Variants in DNAH10 observed in about 807,000 individuals in gnomAD.
The protein encoded by DNAH10 is axonemal beta dynein heavy chain 10.
A neutral mutation model predicts 506.6 loss-of-function variants in DNAH10; 348 were observed. The ratio of observed to expected loss-of-function variants is 0.69; its 90% CI spans 0.63 to 0.75. The LOEUF (loss-of-function observed/expected upper bound fraction) is 0.75. Ranked by LOEUF, DNAH10 falls within the 30% of genes least tolerant of loss-of-function variation. The probability of loss-of-function intolerance (pLI) is 0.00; values close to 1 mark genes in which losing one functional copy is unlikely to be tolerated. For synonymous variants in DNAH10, 2,059 were observed against 2,198.6 expected, an observed-to-expected ratio of 0.94 and a Z score of 1.78; for missense variants, 5,179 against 5,787.1, an observed-to-expected ratio of 0.89 and a Z score of 3.41.
Position 123,846,453 on chromosome 12 carries a change from G to C in DNAH10, c.5814+299G>C, listed in dbSNP as rs1950954474. ...AGGTGGTGACTGTTAGGGCAAGTGT[G>C]ATGTGGTTTTGCACGTCTTGTGACA... is the stretch of plus-strand genomic sequence containing the variant. On this transcript the variant is annotated intron_variant, in intron 32 of 78. Coordinates refer to ENST00000673944, the MANE Select transcript of DNAH10 (RefSeq NM_001372106.1). This position sits in a 1 kb window ranked among gnomAD's most constrained non-coding sequence, Gnocchi z 4.5. Among the ~76,000 whole-genome samples, 2 of 152,148 alleles carry C rather than the reference G, an allele frequency of 1.3e-5. No homozygotes were observed. The highest frequency in any genetic ancestry group is 2.9e-5 in the Non-Finnish European group (2 of 68,022).
Position 123,785,944 on chromosome 12 carries a change from G to T in DNAH10, c.1421+8G>T. The T allele has an allele frequency of 6.3e-7, 1 of 1,599,876 alleles. No homozygotes were observed. Among genetic ancestry groups the T allele is most frequent in the African/African-American group, 1.3e-5 (1 of 74,678 alleles). ...CCTGCGGACTTTGTTCAAGTAAGAA[G>T]CCATGGCGTTCATTTTTTTGTTTTG... On this transcript the variant is annotated splice_region_variant and intron_variant, in intron 9 of 78. Transcript: ENST00000673944. The surrounding 1 kb of genome is among the most constrained non-coding windows in gnomAD (Gnocchi z 4.1).
chr12:123,789,781 G>C, intron 10 of DNAH10, 146 bp from the exon 11 acceptor site: 1 of 717,966 alleles, frequency 1.4e-6, no homozygotes, highest in Non-Finnish European at 2.3e-6. Flanking sequence ...CTTGGGCATC[G>C]TACCGAAGGG....
rs1304825333 is a variant in DNAH10, at chr12:123,877,855, C to T, written c.8319C>T (p.Asn2773=). The T allele has an allele frequency of 5.6e-6, 9 of 1,613,898 alleles. No individual in the cohort carries two copies. In the South Asian group the frequency reaches 8.8e-5, roughly 16 times the overall value. The change falls in exon 48 of 79, where the codon AAC becomes AAT. Residue 2773 remains asparagine (N), a synonymous_variant. Coordinates refer to ENST00000673944, the MANE Select transcript of DNAH10 (RefSeq NM_001372106.1). ...PTPSKFHYIF[N]LRDLSRVFNG... is the part of the protein sequence containing the mutation. ...CGTCAAAGTTCCATTACATCTTCAA[C>T]CTTCGAGATCTCTCACGGGTTTTTA...
intron 30 of DNAH10, 22 bp from the exon 31 acceptor site, chr12:123,845,578 T>TA (rs1277862004): frequency 6.2e-7 from 1 of 1,610,756 alleles, no homozygotes; most frequent in African/African-American, 1.3e-5. Context: ...CAGAGCCTCT[T>TA]ACAGGTGTGC....
intron 57 of DNAH10, among the ~76,000 whole-genome samples, chr12:123,906,776 A>G (rs1216999785): frequency 3.3e-5 from 5 of 152,186 alleles, no homozygotes; most frequent in African/African-American, 1.2e-4. Context: ...TGTTAAGCGC[A>G]ATGAGCCGGC....
At chr12:123,918,454 C>A (rs1031679573) in intron 64 of DNAH10, among the ~76,000 whole-genome samples, 1 of 152,232 alleles carries the variant, frequency 6.6e-6, no homozygotes, top group African/African-American at 2.4e-5. Context: ...CGGAGACTTA[C>A]AAGCAGTGTT....
chr12:123,821,513 A>C (rs1317822138), intron 24 of DNAH10, among the ~76,000 whole-genome samples: 2 of 152,020 alleles, frequency 1.3e-5, no homozygotes, highest in Non-Finnish European at 2.9e-5. Flanking sequence ...TTTTAGTTTT[A>C]GTAGAGGCAA....
intron 29 of DNAH10, among the ~76,000 whole-genome samples, chr12:123,840,268 A>G (rs375621102): frequency 3.3e-5 from 5 of 152,114 alleles, no homozygotes; most frequent in African/African-American, 1.2e-4. Flanking sequence ...GCACTTAGGA[A>G]CGAGTGCTTT....
In DNAH10 at chr12:123,864,661, C is replaced by A. The variant is rs888041745; in HGVS notation, c.6975C>A (p.Asp2325Glu). 6.2e-7 allele frequency: 1 copy of A among 1,613,972 alleles called. No homozygotes were observed. Among genetic ancestry groups the A allele is most frequent in the Middle Eastern group, 1.7e-4 (1 of 6,060 alleles). ...WVENMNSVMD[D>E]NRLLTLANGE... ...AAAACATGAATTCTGTGATGGATGA[C>A]AACAGGTTGTTGACATTGGCCAACG... The change falls in exon 40 of 79, where the codon GAC becomes GAA. Residue 2325 changes from aspartate (D) to glutamate (E), a missense_variant. By Grantham distance (45) the Asp-to-Glu change is conservative. Transcript: ENST00000673944.
At chr12:123,929,874 C>T in intron 72 of DNAH10, 115 bp downstream of exon 72, 4 of 911,742 alleles carry the variant, frequency 4.4e-6, no homozygotes, top group Non-Finnish European at 5.0e-6. Context: ...CTGTGTTCCC[C>T]TTGGGTTTCT....
At position 123,894,707 on chromosome 12, in the gene DNAH10, C is replaced by G; in HGVS notation, c.9264C>G (p.Val3088=). 6.2e-7 allele frequency: 1 copy of G among 1,613,946 alleles called. No homozygotes were observed. Among genetic ancestry groups the G allele is most frequent in the Non-Finnish European group, 8.5e-7 (1 of 1,179,854 alleles). ...MPWPPQALHA[V]AKSFLGYNPM... ...GGCCTCCCCAAGCCCTCCATGCGGT[C>G]GCAAAGTCCTTTCTAGGTAAGTCAC... The change falls in exon 54 of 79, where the codon GTC becomes GTG. Residue 3088 remains valine (V), a synonymous_variant. Transcript: ENST00000673944.
chr12:123,771,824 C>G (rs577857330), intron 3 of DNAH10, 126 bp downstream of exon 3: 52 of 778,752 alleles, frequency 6.7e-5, no homozygotes, highest in Admixed American at 2.4e-4. Flanking sequence ...TATAGGATCC[C>G]AAGGCCACCC....
intron 30 of DNAH10, among the ~76,000 whole-genome samples, chr12:123,843,859 T>C (rs571022586): frequency 7.0e-4 from 106 of 152,364 alleles, no homozygotes; most frequent in Admixed American, 8.5e-4. Context: ...ATTACAGGCG[T>C]GAGCCAAAGC....
At chr12:123,847,143 TATCCATCCATCCATCCATCCATCCATCC>T (rs57589181) in intron 32 of DNAH10, among the ~76,000 whole-genome samples, 3 of 144,816 alleles carry the variant, frequency 2.1e-5, no homozygotes, top group Admixed American at 1.4e-4. Flanking sequence ...TCCATCTACA[TATCCATCCATCCATCCATCCATCCATCC>T]ATCCATCCAT....
intron 73 of DNAH10, 87 bp downstream of exon 73, chr12:123,930,660 G>T (rs1955163258): frequency 6.8e-7 from 1 of 1,477,152 alleles, no homozygotes; most frequent in Non-Finnish European, 9.1e-7. Context: ...CCTGGTGGGG[G>T]CTCCTCGGCT....
intron 28 of DNAH10, 151 bp from the exon 29 acceptor site, chr12:123,838,305 T>G: frequency 1.6e-6 from 1 of 626,834 alleles, no homozygotes; most frequent in South Asian, 2.0e-5. Context: ...AAATGATAAA[T>G]GGATCCCCTG....
chr12:123,881,725 T>G lies in DNAH10; in HGVS notation c.8735T>G (p.Met2912Arg). The stretch of plus-strand genomic sequence containing the variant: ...ACCCGGGTGCACCGTATCATCCGCA[T>G]GGACCGCGGCCACGCCCTGCTGGTC... ...HLTRVHRIIR[M>R]DRGHALLVGV... is the part of the protein sequence containing the mutation. The change falls in exon 51 of 79, where the codon ATG becomes AGG. Residue 2912 changes from methionine (M) to arginine (R), a missense_variant. Around this residue, in one of 3 missense-constraint regions of DNAH10, gnomAD observed 4,844 missense variants for 5,430.5 expected, o/e 0.89. Coordinates refer to ENST00000673944, the MANE Select transcript of DNAH10 (RefSeq NM_001372106.1). The G allele has an allele frequency of 1.3e-6, 2 of 1,549,340 alleles. No homozygotes were observed. Among genetic ancestry groups the G allele is most frequent in the Non-Finnish European group, 1.7e-6 (2 of 1,146,160 alleles).
intron 30 of DNAH10, among the ~76,000 whole-genome samples, 152 bp from the exon 31 acceptor site, chr12:123,845,448 T>G (rs1467645851): frequency 6.6e-6 from 1 of 152,224 alleles, no homozygotes; most frequent in Non-Finnish European, 1.5e-5. Context: ...TCCTCTGACT[T>G]ACTTAGGTAA....
At chr12:123,844,910 G>C (rs1950894494) in intron 30 of DNAH10, among the ~76,000 whole-genome samples, 1 of 152,054 alleles carries the variant, frequency 6.6e-6, no homozygotes, top group Non-Finnish European at 1.5e-5. Context: ...ATAATGCTGG[G>C]ATTACAGGTG....
Sources: gnomAD v4.1 joint callset for allele counts (sites outside exome capture counted in the v4.1 genomes callset) on GRCh38, gnomAD v4.1.1 for gene constraint, gnomAD v4.1.1 regional missense constraint, Gnocchi (gnomAD v3.1) non-coding constraint, MANE v1.5 for transcripts, NCBI Gene and HGNC (gene_info 2026-07-23, HGNC 2026-07-21) for gene names.